Variants in TEDC1 observed in about 807,000 individuals in gnomAD.
TEDC1 encodes tubulin epsilon and delta complex protein 1.
Under a neutral mutation model 59.9 loss-of-function variants are expected in TEDC1, and 54 were observed. That is an observed-to-expected ratio of 0.90 (90% CI 0.72 to 1.13). The LOEUF (loss-of-function observed/expected upper bound fraction) is 1.13. Ranked by LOEUF, TEDC1 falls within the 50% of genes most tolerant of loss-of-function variation. The pLI is 0.00. For missense variants in TEDC1, 734 were observed against 683.4 expected (o/e 1.07, Z -0.83); for synonymous variants, 353 against 298.1 (o/e 1.18, Z -1.90).
rs781796355 is a variant in TEDC1 at position 105,497,824 on chromosome 14, G to A, written c.1005G>A (p.Pro335=). ...ACACGGTCCTGGGCACCTGTGCCCC[G>A]GAGGTGCCTGCTGCAGCCTCACAGC... ...WMDTVLGTCA[P]EVPAAASQPT... is the part of the protein sequence containing the mutation. The change falls in exon 8 of 9, where the codon CCG becomes CCA. Residue 335 remains proline, a synonymous_variant. Coordinates refer to ENST00000392523, the MANE Select transcript of TEDC1 (RefSeq NM_001367178.1). 2.6e-5 allele frequency: 41 copies of A among 1,572,318 alleles called. No homozygotes were observed. Among genetic ancestry groups the A allele is most frequent in the South Asian group, 5.9e-5 (5 of 85,394 alleles).
At chr14:105,492,019 C>T in intron 2 of TEDC1, 88 bp from the exon 3 acceptor site, 1 of 1,363,402 alleles carries the variant, frequency 7.3e-7, no homozygotes, top group Non-Finnish European at 1.0e-6. Flanking sequence ...AGCTTCTGCT[C>T]AAGTGACCTG....
rs782674304 is a variant in TEDC1 at position 105,492,286 on chromosome 14, G to A, written c.406G>A (p.Gly136Ser). ...GCTGGCCCAGGCCCGAGTGCCTCTG[G>A]GTGACGAGATGACTGTGTGCCAGGT... ...QMLAQARVPL[G>S]DEMTVCQCEA... is the part of the protein sequence containing the mutation. Residue 136 changes from glycine to serine, a missense_variant, in exon 3 of 9, where the codon GGT becomes AGT. Coordinates refer to ENST00000392523, the MANE Select transcript of TEDC1 (RefSeq NM_001367178.1). 1.9e-5 allele frequency: 31 copies of A among 1,606,236 alleles called. No individual in the cohort carries two copies. The highest frequency in any genetic ancestry group is 2.3e-5 in the Non-Finnish European group (27 of 1,179,972).
chr14:105,492,594 A>G lies in TEDC1; in HGVS notation c.445A>G (p.Ser149Gly). The G allele has an allele frequency of 6.5e-7, 1 of 1,539,938 alleles. No individual in the cohort carries two copies. Among genetic ancestry groups the G allele is most frequent in the Middle Eastern group, 1.7e-4 (1 of 5,984 alleles). Residue 149 changes from serine to glycine, a missense_variant, in exon 4 of 9, where the codon AGC becomes GGC. Coordinates refer to ENST00000392523, the MANE Select transcript of TEDC1 (RefSeq NM_001367178.1). ...CCCTCTCCAGTGTGAGGCCCTGGCC[A>G]GCCCTGGCCCACCTGCACCCCACAT... ...MTVCQCEALA[S>G]PGPPAPHMEA...
upstream of TEDC1, chr14:105,491,170 AGCGCGGTGATTGGGCGCAGGTCCCAGCCG>A (rs1555439155): frequency 1.4e-5 from 22 of 1,549,932 alleles, no homozygotes; most frequent in Admixed American, 5.9e-5. Flanking sequence ...GGTCTCGGCC[AGCGCGGTGATTGGGCGCAGGTCCCAGCCG>A]GCGCGGTGAT....
intron 8 of TEDC1, 90 bp from the exon 9 acceptor site, chr14:105,498,527 C>G: frequency 7.2e-7 from 1 of 1,379,754 alleles, no homozygotes; most frequent in Non-Finnish European, 9.7e-7. Flanking sequence ...CCTGCAGCGC[C>G]TGCACCTGAG....
intron 4 of TEDC1, among the ~76,000 whole-genome samples, chr14:105,493,381 C>T (rs2084262885): frequency 6.6e-6 from 1 of 151,444 alleles, no homozygotes; most frequent in South Asian, 2.1e-4. Context: ...GCTCCGCTTA[C>T]TTATGTGCCT....
At position 105,497,876 on chromosome 14, in the gene TEDC1, C is replaced by T. The variant is rs199648972; in HGVS notation, c.1057C>T (p.Arg353Cys). The change falls in exon 8 of 9, where the codon CGC becomes TGC. Residue 353 changes from arginine (R) to cysteine (C), a missense_variant. Coordinates refer to ENST00000392523, the MANE Select transcript of TEDC1 (RefSeq NM_001367178.1). The stretch of plus-strand genomic sequence containing the variant: ...CACCTTCCTGCCCTGGGTCCCCGAG[C>T]GCGGGGGTGGCGAGTTGGACCTGGT... ...QPTFLPWVPERGGGELDLVVR... is the reference protein window; with the variant it reads ...QPTFLPWVPECGGGELDLVVR... 273 of 1,561,338 alleles carry T rather than the reference C, an allele frequency of 1.7e-4. 1 individual carries two copies. In the East Asian group the frequency reaches 5.9e-3, roughly 33 times the overall value.
chr14:105,492,399 G>T, intron 3 of TEDC1, 90 bp downstream of exon 3: 1 of 1,549,484 alleles, frequency 6.5e-7, no homozygotes, highest in Non-Finnish European at 8.7e-7. Flanking sequence ...CCCTCTGTCT[G>T]CTTTGCTCCT....
At chr14:105,498,498 C>T in intron 8 of TEDC1, 119 bp from the exon 9 acceptor site, 2 of 1,103,064 alleles carry the variant, frequency 1.8e-6, no homozygotes, top group South Asian at 3.3e-5. Flanking sequence ...CTCTGAAGAG[C>T]ATGGGCGTTT....
At position 105,498,729 on chromosome 14, in the gene TEDC1, C is replaced by A; in HGVS notation, c.1271C>A (p.Pro424Gln). The A allele has an allele frequency of 6.4e-7, 1 of 1,555,580 alleles. No homozygotes were observed. The highest frequency in any genetic ancestry group is 8.7e-7 in the Non-Finnish European group (1 of 1,150,048). ...LQQCWERDGG[P>Q]AQPHGPHRLV... ...CAGTGCTGGGAGCGAGACGGTGGCCCGGCCCAGCCCCATGGGCCACACCGG... is the reference window on the plus strand; with the variant it reads ...CAGTGCTGGGAGCGAGACGGTGGCCAGGCCCAGCCCCATGGGCCACACCGG... The change falls in exon 9 of 9, where the codon CCG (proline) becomes CAG (glutamine). Residue 424 changes from proline to glutamine, a missense_variant. Pro to Gln is a moderately conservative substitution (Grantham distance 76). Coordinates refer to ENST00000392523, the MANE Select transcript of TEDC1 (RefSeq NM_001367178.1).
upstream of TEDC1, chr14:105,491,073 CG>C: frequency 6.4e-7 from 1 of 1,551,342 alleles, no homozygotes; most frequent in Non-Finnish European, 8.7e-7. Context: ...GACACGAAGG[CG>C]GGACCCTGCC....
chr14:105,492,120 C>A lies in TEDC1; in HGVS notation c.240C>A (p.Arg80=), dbSNP rs782276134. ...LASLALEVQA[R]LVKSALCSQG... The stretch of plus-strand genomic sequence containing the variant: ...CTTCTGTCCTAGAGGTCCAAGCCCG[C>A]TTGGTGAAGTCAGCACTATGCTCCC... Residue 80 remains arginine, a synonymous_variant, in exon 3 of 9, where the codon CGC becomes CGA. Coordinates refer to ENST00000392523, the MANE Select transcript of TEDC1 (RefSeq NM_001367178.1). 8.1e-6 allele frequency: 13 copies of A among 1,609,068 alleles called. No homozygotes were observed. The highest frequency in any genetic ancestry group is 1.1e-5 in the Non-Finnish European group (13 of 1,178,178).
At position 105,491,320 on chromosome 14, in the gene TEDC1, G is replaced by A. The variant is rs1379891518; in HGVS notation, c.-56G>A. The stretch of plus-strand genomic sequence containing the variant: ...AACCCGGCCCGTGCGGTGATTGGAC[G>A]CAGGCCCCGGGCCGCGGCGGAGGCG... On this transcript the variant is annotated 5_prime_UTR_variant, in exon 1 of 9. Coordinates refer to ENST00000392523, the MANE Select transcript of TEDC1 (RefSeq NM_001367178.1). The A allele has an allele frequency of 6.8e-7, 1 of 1,478,072 alleles. No individual in the cohort carries two copies. Among genetic ancestry groups the A allele is most frequent in the Admixed American group, 2.3e-5 (1 of 44,416 alleles). The allele number at this position is 1,478,072 out of a possible 1,614,324, so 91.6% of individuals were successfully genotyped here. A position where few individuals can be genotyped will look rare whatever the true frequency, so the allele number is the denominator to read the frequency against.
In TEDC1 at chr14:105,491,426, G is replaced by A. The variant is rs1555439223; in HGVS notation, c.51G>A (p.Gly17=). The change falls in exon 1 of 9, where the codon GGG becomes GGA. Residue 17 remains glycine (G), a synonymous_variant. Transcript: ENST00000392523. ...ACCCCGCGGCTGGGGCCCGGGCCGG[G>A]GCCCTGCCTGAGGCCATCGCCGCGT... The part of the protein sequence containing the change: ...RVDPAAGARA[G]ALPEAIAALS... 7.0e-7 allele frequency: 1 copy of A among 1,428,450 alleles called. No individual in the cohort carries two copies. The highest frequency in any genetic ancestry group is 2.5e-4 in the Middle Eastern group (1 of 3,922). The allele number at this position is 1,428,450 out of a possible 1,614,324, so 88.5% of individuals were successfully genotyped here.
intron 4 of TEDC1, 151 bp from the exon 5 acceptor site, chr14:105,493,684 C>A: frequency 1.6e-6 from 1 of 632,298 alleles, no homozygotes; most frequent in Non-Finnish European, 2.8e-6. Flanking sequence ...CCAGCCCCGC[C>A]AACCTCAGGC....
chr14:105,491,821 C>G, intron 2 of TEDC1, 121 bp downstream of exon 2: 1 of 1,199,214 alleles, frequency 8.3e-7, no homozygotes, highest in Non-Finnish European at 1.2e-6. Flanking sequence ...ACACTGACCC[C>G]GCTTGCTCCT....
chr14:105,492,377 C>T (rs1318122885), intron 3 of TEDC1, 68 bp downstream of exon 3: 13 of 1,573,112 alleles, frequency 8.3e-6, no homozygotes, highest in South Asian at 5.6e-5. Context: ...CAAGGGCAGG[C>T]CTGGGTCAGC....
In TEDC1 at chr14:105,498,911, C is replaced by T. The variant is rs1380403999; in HGVS notation, c.1453C>T (p.Pro485Ser). The change falls in exon 9 of 9, where the codon CCT becomes TCT. Residue 485 changes from proline (P) to serine (S), a missense_variant. By Grantham distance (74) the Pro-to-Ser change is moderately conservative. Transcript: ENST00000392523. ...QELARLVGARPGLIWIPPPGR is the reference protein window; with the variant it reads ...QELARLVGARSGLIWIPPPGR ...ACTGGCCAGGCTGGTGGGAGCCCGC[C>T]CTGGTCTCATCTGGATCCCGCCACC... is the stretch of plus-strand genomic sequence containing the variant. 1.9e-6 allele frequency: 3 copies of T among 1,610,642 alleles called. No homozygotes were observed. Among genetic ancestry groups the T allele is most frequent in the Admixed American group, 1.7e-5 (1 of 59,850 alleles).
rs2141814049 is a variant in TEDC1, at chr14:105,498,970, T to G, written c.*24T>G. 1 of 1,574,970 alleles carries G rather than the reference T, an allele frequency of 6.3e-7. No individual in the cohort carries two copies. The highest frequency in any genetic ancestry group is 2.3e-5 in the East Asian group (1 of 43,758). On this transcript the variant is annotated 3_prime_UTR_variant, in exon 9 of 9. Transcript: ENST00000392523. ...GAGGGCCTGTCGACGGGCCCTCGTG[T>G]GGGAAGCCTGCCCTGGCCCAGCCTG...
Sources: allele counts gnomAD v4.1 joint callset (sites outside exome capture counted in the v4.1 genomes callset), GRCh38; gene constraint gnomAD v4.1.1; transcripts MANE v1.5; gene names NCBI Gene and HGNC (gene_info 2026-07-23, HGNC 2026-07-21).